The following SHE variants were observed in gnomAD, a reference collection of about 807,000 sequenced individuals.
The protein encoded by SHE is SH2 domain-containing adapter protein E.
SHE carries 11 observed loss-of-function variants against 49.8 expected under a neutral mutation model. The observed-to-expected ratio is 0.22, with a 90% CI of 0.14 to 0.37. The LOEUF is 0.37. SHE is among the 10% of genes least tolerant of loss of function. SHE has a pLI of 1.00. For missense variants in SHE, 624 were observed against 655.5 expected, an observed-to-expected ratio of 0.95 and a Z score of 0.52; for synonymous variants, 310 against 278.1, an observed-to-expected ratio of 1.11 and a Z score of -1.14.
At chr1:154,485,494 T>C (rs893524343) in intron 5 of SHE, 3 of 157,372 alleles carry the variant, frequency 1.9e-5, no homozygotes, top group African/African-American at 7.2e-5. Flanking sequence ...CAAGTCAGCA[T>C]TTCCTTCTTC....
At chr1:154,474,161 G>A (rs1372848295) in intron 1 of SHE, among the ~76,000 whole-genome samples, 2 of 152,214 alleles carry the variant, frequency 1.3e-5, no homozygotes, top group Admixed American at 6.5e-5. Context: ...CACTCACCCC[G>A]GGAGGAGATG....
At position 154,502,058 on chromosome 1, in the gene SHE, G is replaced by A. The variant is rs1692799021; in HGVS notation, c.-32C>T. ...TGACTGGGGCGCTGGAGGCCGCGGC[G>A]AGGCCCCGCGACGGCTGCTCCGTGC... On this transcript the variant is annotated 5_prime_UTR_variant, in exon 1 of 6. Coordinates refer to ENST00000304760, the MANE Select transcript of SHE (RefSeq NM_001010846.3). 2 of 1,261,152 alleles carry A rather than the reference G, an allele frequency of 1.6e-6. No individual in the cohort carries two copies. The highest frequency in any genetic ancestry group is 2.0e-6 in the Non-Finnish European group (2 of 1,006,000). 78.1% of individuals were successfully genotyped at this position (1,261,152 alleles called of 1,614,324 possible). A position where few individuals can be genotyped will look rare whatever the true frequency, so the allele number is the denominator to read the frequency against.
intron 4 of SHE, 140 bp downstream of exon 4, chr1:154,486,387 A>T: frequency 2.5e-6 from 3 of 1,195,846 alleles, no homozygotes; most frequent in Non-Finnish European, 2.3e-6. Context: ...GGCTTTGAAG[A>T]TGGGTTTTCA....
At chr1:154,499,450 CTCTT>C (rs1234134652) in intron 1 of SHE, among the ~76,000 whole-genome samples, 2 of 152,168 alleles carry the variant, frequency 1.3e-5, no homozygotes, top group Non-Finnish European at 2.9e-5. Context: ...ATTCATCTAA[CTCTT>C]TCACTTATCC....
intron 1 of SHE, 79 bp downstream of exon 1, chr1:154,501,357 C>T: frequency 7.2e-7 from 1 of 1,381,722 alleles, no homozygotes; most frequent in East Asian, 2.3e-5. Flanking sequence ...CCTCTTAGGT[C>T]TAAAGAAGCC....
Position 154,479,602 on chromosome 1 carries a change from A to G in SHE, c.*4547T>C, listed in dbSNP as rs1158930855. 2.1e-6 allele frequency: 2 copies of G among 971,480 alleles called. 1 individual carries two copies. Among genetic ancestry groups the G allele is most frequent in the Non-Finnish European group, 2.4e-6 (2 of 817,360 alleles). The allele number at this position is 971,480 out of a possible 1,614,324, so 60.2% of individuals were successfully genotyped here. On this transcript the variant is annotated 3_prime_UTR_variant, in exon 6 of 6. Coordinates refer to ENST00000304760, the MANE Select transcript of SHE (RefSeq NM_001010846.3). ...GTTTTATAAAATATTTCTGATTTAA[A>G]TTACTAAGGCACTATAGATAGACAC...
intron 1 of SHE, among the ~76,000 whole-genome samples, chr1:154,471,289 G>A (rs1691737948): frequency 6.6e-6 from 1 of 152,182 alleles, no homozygotes; most frequent in East Asian, 1.9e-4. Flanking sequence ...AGATGCTGAG[G>A]TGGGAGGATT....
At chr1:154,473,710 G>C (rs1691808132) in intron 1 of SHE, among the ~76,000 whole-genome samples, 1 of 151,852 alleles carries the variant, frequency 6.6e-6, no homozygotes, top group African/African-American at 2.4e-5. Flanking sequence ...AGGCTGAGGT[G>C]GGAGGATCAC....
Position 154,482,671 on chromosome 1 carries a change from C to T in SHE, c.*1478G>A. ...GAGCCATTCACCATAGTACTCTTCT[C>T]ACAGTATGCCATTCCCATGGTTTTT... On this transcript the variant is annotated 3_prime_UTR_variant, in exon 6 of 6. Transcript: ENST00000304760. 1.0e-6 allele frequency: 1 copy of T among 985,448 alleles called. No homozygotes were observed. Among genetic ancestry groups the T allele is most frequent in the South Asian group, 4.7e-5 (1 of 21,280 alleles). The allele number at this position is 985,448 out of a possible 1,614,324, so 61.0% of individuals were successfully genotyped here. A position where few individuals can be genotyped will look rare whatever the true frequency, so the allele number is the denominator to read the frequency against.
downstream of SHE, among the ~76,000 whole-genome samples, chr1:154,476,526 C>G (rs1354460313): frequency 2.6e-5 from 4 of 151,866 alleles, no homozygotes; most frequent in South Asian, 2.1e-4. Context: ...ACCTATAATC[C>G]CAGCTACTCA....
Position 154,502,399 on chromosome 1 carries a change from G to A in SHE, c.-373C>T, listed in dbSNP as rs12753666. ...AGCGGAGGCGGCGGGAGTATCCCCG[G>A]CGCAGCGACAGACGGTGGACGGACG... On this transcript the variant is annotated 5_prime_UTR_variant, in exon 1 of 6. Coordinates refer to ENST00000304760, the MANE Select transcript of SHE (RefSeq NM_001010846.3). 77,999 of 154,344 alleles carry A rather than the reference G, an allele frequency of 0.51. 22,889 individuals carry two copies. The highest frequency in any genetic ancestry group is 0.76 in the East Asian group (3,941 of 5,186). The allele number at this position is 154,344 out of a possible 1,614,324, so 9.6% of individuals were successfully genotyped here. A position where few individuals can be genotyped will look rare whatever the true frequency, so the allele number is the denominator to read the frequency against.
At chr1:154,492,574 C>T (rs1010264223) in intron 2 of SHE, among the ~76,000 whole-genome samples, 3 of 152,228 alleles carry the variant, frequency 2.0e-5, no homozygotes, top group Non-Finnish European at 4.4e-5. Context: ...AGTCCCTGGA[C>T]TCTCAGTCCT....
At chr1:154,492,429 TC>T (rs757027958) in intron 2 of SHE, among the ~76,000 whole-genome samples, 1 of 152,166 alleles carries the variant, frequency 6.6e-6, no homozygotes, top group Non-Finnish European at 1.5e-5. Flanking sequence ...GCTAGTCCCA[TC>T]CTGAGGAGAA....
In SHE at chr1:154,486,686, G is replaced by A. The variant is rs1241944407; in HGVS notation, c.1025-3C>T. 1 of 1,613,834 alleles carries A rather than the reference G, an allele frequency of 6.2e-7. No individual in the cohort carries two copies. Among genetic ancestry groups the A allele is most frequent in the East Asian group, 2.2e-5 (1 of 44,886 alleles). ...TCGCTCAGCTCCTTCAAACTGGACT[G>A]GAAGGAAGACTCCATTTAACATCAC... is the stretch of plus-strand genomic sequence containing the variant. On this transcript the variant is annotated splice_polypyrimidine_tract_variant and splice_region_variant and intron_variant, in intron 3 of 5. Transcript: ENST00000304760.
chr1:154,478,442 A>C (rs201941184), downstream of SHE, among the ~76,000 whole-genome samples: 20 of 151,954 alleles, frequency 1.3e-4, no homozygotes, highest in Middle Eastern at 3.4e-3. Context: ...AAAAAAAAAA[A>C]AAAAAACACT....
downstream of SHE, among the ~76,000 whole-genome samples, chr1:154,477,764 GC>G (rs1310598214): frequency 1.3e-5 from 2 of 151,918 alleles, no homozygotes; most frequent in Non-Finnish European, 2.9e-5. Flanking sequence ...TGTGGCGCAT[GC>G]CTGTAGTCCC....
intron 5 of SHE, 44 bp downstream of exon 5, chr1:154,485,899 G>A: frequency 2.5e-6 from 4 of 1,598,996 alleles, no homozygotes; most frequent in Non-Finnish European, 3.4e-6. Flanking sequence ...GTCACACAGT[G>A]TTCCTTCCCC....
rs1227780367 is a variant in SHE at position 154,482,094 on chromosome 1, A to T, written c.*2055T>A. On this transcript the variant is annotated 3_prime_UTR_variant, in exon 6 of 6. Coordinates refer to ENST00000304760, the MANE Select transcript of SHE (RefSeq NM_001010846.3). ...AGTGACATAATCTTGGCTCACTGCA[A>T]CCTCCACCTCCTGGGCTCAAGTGAT... 6.4e-6 allele frequency: 1 copy of T among 156,854 alleles called. No homozygotes were observed. Among genetic ancestry groups the T allele is most frequent in the African/African-American group, 2.5e-5 (1 of 40,290 alleles). 9.7% of individuals were successfully genotyped at this position (156,854 alleles called of 1,614,324 possible). A position where few individuals can be genotyped will look rare whatever the true frequency, so the allele number is the denominator to read the frequency against.
chr1:154,496,790 T>A (rs1692545671), intron 2 of SHE, among the ~76,000 whole-genome samples: 1 of 152,104 alleles, frequency 6.6e-6, no homozygotes, highest in Admixed American at 6.6e-5. Flanking sequence ...ATTATATTCA[T>A]TTTTATAAAA....
Sources: gnomAD v4.1 joint callset for allele counts (sites outside exome capture counted in the v4.1 genomes callset) on GRCh38, gnomAD v4.1.1 for gene constraint, MANE v1.5 for transcripts, NCBI Gene and HGNC (gene_info 2026-07-23, HGNC 2026-07-21) for gene names.